Variants in STAG1 observed in about 807,000 individuals in gnomAD.
STAG1 encodes the protein cohesin subunit SA-1.
STAG1 carries 26 observed loss-of-function variants against 170.9 expected under a neutral mutation model. The ratio of observed to expected loss-of-function variants is 0.15; its 90% CI spans 0.11 to 0.21. The LOEUF (loss-of-function observed/expected upper bound fraction) is 0.21, where lower values mean the gene tolerates loss of function less well. STAG1 is among the 10% of genes least tolerant of loss of function. The probability of loss-of-function intolerance (pLI) is 1.00; values close to 1 mark genes in which losing one functional copy is unlikely to be tolerated. For synonymous variants in STAG1, 514 were observed against 497.7 expected, an observed-to-expected ratio of 1.03 and a Z score of -0.44; for missense variants, 964 against 1,509.5, an observed-to-expected ratio of 0.64 and a Z score of 5.99.
chr3:136,473,578 T>G lies in STAG1; in HGVS notation c.1086A>C (p.Glu362Asp). The G allele has an allele frequency of 6.2e-7, 1 of 1,612,536 alleles. No individual in the cohort carries two copies. ...KALQSLYTNR[E>D]LFPKLELFTN... ...TGAATAGTTCCAATTTGGGGAATAA[T>G]TCTCTATTGGTATATAGACTCTGCA... Residue 362 changes from glutamate to aspartate, a missense_variant, in exon 11 of 34, where the codon GAA (glutamate) becomes GAC (aspartate). Around this residue, in one of 11 missense-constraint regions of STAG1, gnomAD observed 162 missense variants for 211.2 expected, o/e 0.77. Transcript: ENST00000383202.
At chr3:136,589,788 G>C (rs1456628240) in intron 4 of STAG1, among the ~76,000 whole-genome samples, 1 of 151,508 alleles carries the variant, frequency 6.6e-6, no homozygotes, top group East Asian at 2.0e-4. Context: ...AAAATTAGCT[G>C]GGCGTGGTGG....
chr3:136,684,795 A>AG (rs1942455541), intron 1 of STAG1, among the ~76,000 whole-genome samples: 1 of 151,656 alleles, frequency 6.6e-6, no homozygotes, highest in Non-Finnish European at 1.5e-5. Context: ...AAAAAAAAAA[A>AG]AAGTGCTAGA....
chr3:136,732,176 T>C (rs1456065760), intron 1 of STAG1, among the ~76,000 whole-genome samples: 2 of 151,614 alleles, frequency 1.3e-5, no homozygotes, highest in Admixed American at 1.3e-4. Context: ...CCTACACTAG[T>C]TTTTGTTCTT....
chr3:136,445,259 T>G (rs1437860691), intron 14 of STAG1, among the ~76,000 whole-genome samples: 6 of 152,118 alleles, frequency 3.9e-5, no homozygotes, highest in Admixed American at 6.6e-5. Flanking sequence ...GGGAGATATC[T>G]TCAAACTTTC....
chr3:136,551,238 AGAGAGAGAGAGAGAGAGAGAGAGG>A (rs1936379532), intron 5 of STAG1, among the ~76,000 whole-genome samples: 3 of 144,966 alleles, frequency 2.1e-5, no homozygotes, highest in African/African-American at 7.8e-5. Context: ...AGAGAGAGAG[AGAGAGAGAGAGAGAGAGAGAGAGG>A]GAGAGCGAGA....
At chr3:136,657,500 G>A (rs115165370) in intron 1 of STAG1, among the ~76,000 whole-genome samples, 1,840 of 152,110 alleles carry the variant, frequency 0.012, 40 homozygotes, top group African/African-American at 0.042. Context: ...ATCCTACACA[G>A]TTCATATATA....
At chr3:136,584,718 T>C (rs1937719717) in intron 4 of STAG1, among the ~76,000 whole-genome samples, 2 of 152,238 alleles carry the variant, frequency 1.3e-5, no homozygotes, top group Non-Finnish European at 2.9e-5. Flanking sequence ...GGCAAGCCTC[T>C]GAGTGACAGG....
At chr3:136,551,382 A>T (rs545430909) in intron 5 of STAG1, among the ~76,000 whole-genome samples, 1 of 144,630 alleles carries the variant, frequency 6.9e-6, no homozygotes, top group Non-Finnish European at 1.5e-5. Context: ...CCCACCTCCC[A>T]CCTCTGCAAG....
chr3:136,422,948 G>C lies in STAG1; in HGVS notation c.1743+4C>G. 3 of 1,595,632 alleles carry C rather than the reference G, an allele frequency of 1.9e-6. No individual in the cohort carries two copies. Among genetic ancestry groups the C allele is most frequent in the Non-Finnish European group, 2.6e-6 (3 of 1,169,174 alleles). The stretch of plus-strand genomic sequence containing the variant: ...ACATAACAAAACTGTAAATGAAACT[G>C]TACCTTTGACAGTAACATAGGAAGT... On this transcript the variant is annotated splice_donor_region_variant and intron_variant, in intron 17 of 33. Coordinates refer to ENST00000383202, the MANE Select transcript of STAG1 (RefSeq NM_005862.3).
chr3:136,632,693 A>C (rs184748691), intron 1 of STAG1, among the ~76,000 whole-genome samples: 1 of 152,208 alleles, frequency 6.6e-6, no homozygotes, highest in Admixed American at 6.5e-5. Context: ...ATTCTGGGGA[A>C]TTCAAGGTGC....
intron 16 of STAG1, among the ~76,000 whole-genome samples, chr3:136,424,987 G>A (rs112402636): frequency 0.078 from 11,785 of 151,962 alleles, 471 homozygotes; most frequent in Non-Finnish European, 0.093. Context: ...TTACAGGCAC[G>A]CACCACCACA....
At chr3:136,493,656 GA>G (rs549570470) in intron 9 of STAG1, among the ~76,000 whole-genome samples, 9,538 of 63,098 alleles carry the variant, frequency 0.15, 233 homozygotes, top group Non-Finnish European at 0.17. Context: ...TCCTGTCTCC[GA>G]AAAAAAAAAA....
chr3:136,536,234 G>A (rs1271286919), intron 6 of STAG1, among the ~76,000 whole-genome samples: 1 of 152,096 alleles, frequency 6.6e-6, no homozygotes, highest in Non-Finnish European at 1.5e-5. Context: ...CCCAGATTAA[G>A]AGAATATAAC....
In STAG1 at chr3:136,616,949, T is replaced by C. The variant is rs117220429; in HGVS notation, c.132+6197A>G. Among the ~76,000 whole-genome samples the C allele has an allele frequency of 8.9e-4, 136 of 152,284 alleles. 1 individual carries two copies. The East Asian group carries it at 0.023, about 26-fold the overall frequency. On this transcript the variant is annotated intron_variant, in intron 3 of 33. Coordinates refer to ENST00000383202, the MANE Select transcript of STAG1 (RefSeq NM_005862.3). The stretch of plus-strand genomic sequence containing the variant: ...GACTTAACCATTATAAGCAGTAACA[T>C]AGCATATACCCATATATTTTGCTGT...
chr3:136,633,962 T>TAA (rs67810422), intron 1 of STAG1, among the ~76,000 whole-genome samples: 1,377 of 50,288 alleles, frequency 0.027, 127 homozygotes, highest in East Asian at 0.087. Flanking sequence ...TGTCTCTACT[T>TAA]AAAAAAAAAA....
intron 14 of STAG1, 40 bp from the exon 15 acceptor site, chr3:136,443,444 TAAAG>T: frequency 1.5e-6 from 2 of 1,315,178 alleles, no homozygotes; most frequent in Non-Finnish European, 2.2e-6. Flanking sequence ...GAATATTTAA[TAAAG>T]AAACTACTAA....
intron 1 of STAG1, among the ~76,000 whole-genome samples, chr3:136,709,322 G>A (rs1943321186): frequency 6.6e-6 from 1 of 151,900 alleles, no homozygotes; most frequent in Non-Finnish European, 1.5e-5. Context: ...GTCTCATTAT[G>A]TTGCCCAGGC....
At chr3:136,661,838 G>C (rs944714618) in intron 1 of STAG1, among the ~76,000 whole-genome samples, 1 of 152,146 alleles carries the variant, frequency 6.6e-6, no homozygotes, top group East Asian at 1.9e-4. Context: ...CAGTATCCCT[G>C]TGAGGCAGGT....
chr3:136,477,423 A>G lies in STAG1; in HGVS notation c.903-11T>C, dbSNP rs77697102. On this transcript the variant is annotated splice_polypyrimidine_tract_variant and intron_variant, in intron 9 of 33. Transcript: ENST00000383202. ...TCAGCAATAGCATCACTAGAGAGAG[A>G]AAAAAAAGACAATCTCAAATTAATA... The G allele has an allele frequency of 1.3e-6, 2 of 1,581,452 alleles. No individual in the cohort carries two copies. The highest frequency in any genetic ancestry group is 1.7e-6 in the Non-Finnish European group (2 of 1,167,542).
Sources: gnomAD v4.1 joint callset for allele counts (sites outside exome capture counted in the v4.1 genomes callset) on GRCh38, gnomAD v4.1.1 for gene constraint, gnomAD v4.1.1 regional missense constraint, MANE v1.5 for transcripts, NCBI Gene and HGNC (gene_info 2026-07-23, HGNC 2026-07-21) for gene names.